Variants in PITPNC1 observed in about 807,000 individuals in gnomAD.
The protein encoded by PITPNC1 is cytoplasmic phosphatidylinositol transfer protein 1.
PITPNC1 carries 18 observed loss-of-function variants against 44.7 expected under a neutral mutation model. That is an observed-to-expected ratio of 0.40 (90% CI 0.28 to 0.60). PITPNC1 has a LOEUF of 0.60. Among genes scored for constraint, PITPNC1 ranks in the 20% least tolerant of loss-of-function variants. The pLI is 0.39. For missense variants in PITPNC1, 290 were observed against 418.4 expected (o/e 0.69, Z 2.68); for synonymous variants, 141 against 149.6 (o/e 0.94, Z 0.42).
chr17:67,615,070 AC>A (rs2041740586), intron 5 of PITPNC1, among the ~76,000 whole-genome samples: 1 of 152,138 alleles, frequency 6.6e-6, no homozygotes, highest in Admixed American at 6.5e-5. Flanking sequence ...AGCCTGTCTT[AC>A]CCGTGCCTGG....
At position 67,458,962 on chromosome 17, in the gene PITPNC1, G is replaced by A. The variant is rs150490256; in HGVS notation, c.49-73840G>A. ...GGTTTGGGATATCCATTTTTCAGGG[G>A]AGAGGTTTTTTTCACTTAGAACCCA... On this transcript the variant is annotated intron_variant, in intron 1 of 8. Transcript: ENST00000581322. 3.0e-3 allele frequency among the ~76,000 whole-genome samples: 461 copies of A among 152,160 alleles called. 3 individuals carry two copies. The highest frequency in any genetic ancestry group is 4.6e-3 in the Non-Finnish European group (312 of 68,010).
intron 6 of PITPNC1, among the ~76,000 whole-genome samples, chr17:67,658,214 A>C (rs759931655): frequency 3.3e-5 from 5 of 152,244 alleles, no homozygotes; most frequent in Admixed American, 2.0e-4. Flanking sequence ...TCCAAGCCAA[A>C]GACAGTTTAA....
chr17:67,544,640 T>C (rs2040653783), intron 2 of PITPNC1, among the ~76,000 whole-genome samples: 1 of 152,260 alleles, frequency 6.6e-6, no homozygotes, highest in African/African-American at 2.4e-5. Context: ...TCCACGGCAA[T>C]GTCTCCTGGC....
intron 1 of PITPNC1, among the ~76,000 whole-genome samples, chr17:67,393,618 C>T (rs2038171450): frequency 6.6e-6 from 1 of 152,050 alleles, no homozygotes; most frequent in African/African-American, 2.4e-5. Context: ...AAATACTTGG[C>T]AATTTTAATT....
At chr17:67,545,535 C>T (rs1258315211) in intron 2 of PITPNC1, among the ~76,000 whole-genome samples, 1 of 152,122 alleles carries the variant, frequency 6.6e-6, no homozygotes, top group Non-Finnish European at 1.5e-5. Context: ...GAGATTGCAT[C>T]ACTGCATTCC....
chr17:67,499,389 A>AT (rs1443707366), intron 1 of PITPNC1, among the ~76,000 whole-genome samples: 4 of 135,340 alleles, frequency 3.0e-5, no homozygotes, highest in African/African-American at 7.6e-5. Flanking sequence ...TAATTTTTTT[A>AT]TTTTTTTGTA....
intron 1 of PITPNC1, among the ~76,000 whole-genome samples, chr17:67,434,664 T>G (rs1255465633): frequency 7.0e-6 from 1 of 142,128 alleles, no homozygotes; most frequent in Non-Finnish European, 1.5e-5. Context: ...TACAAAAAAA[T>G]TTGCCAGGTG....
At chr17:67,419,468 C>T (rs1407188827) in intron 1 of PITPNC1, among the ~76,000 whole-genome samples, 1 of 152,172 alleles carries the variant, frequency 6.6e-6, no homozygotes, top group Non-Finnish European at 1.5e-5. Flanking sequence ...TTCAGTACCT[C>T]CTTTAATGTA....
At chr17:67,606,518 G>T (rs1414025178) in intron 5 of PITPNC1, among the ~76,000 whole-genome samples, 1 of 152,216 alleles carries the variant, frequency 6.6e-6, no homozygotes, top group Non-Finnish European at 1.5e-5. Flanking sequence ...GCAGATGCAG[G>T]CCTGAGACCC....
rs551969258 is a variant in PITPNC1, at chr17:67,597,301, C to A, written c.366+19044C>A. On this transcript the variant is annotated intron_variant, in intron 5 of 8. Transcript: ENST00000581322. The surrounding 1 kb of genome is among the most constrained non-coding windows in gnomAD (Gnocchi z 4.0). ...GAGCATGGTGGCTCACGCCTGTAAT[C>A]CCCGCACTTTGGGAGGCCAAAGTGG... 9.2e-5 allele frequency among the ~76,000 whole-genome samples: 14 copies of A among 152,274 alleles called. No individual in the cohort carries two copies. Among genetic ancestry groups the A allele is most frequent in the African/African-American group, 2.9e-4 (12 of 41,570 alleles).
intron 8 of PITPNC1, chr17:67,687,305 C>G (rs1781869407): frequency 3.2e-6 from 2 of 624,894 alleles, no homozygotes; most frequent in Admixed American, 2.8e-5. Flanking sequence ...TCACCCAGAC[C>G]CTGTTGCTGC....
chr17:67,615,240 G>A (rs1289484404), intron 5 of PITPNC1, among the ~76,000 whole-genome samples: 2 of 152,202 alleles, frequency 1.3e-5, no homozygotes, highest in South Asian at 2.1e-4. Context: ...AACAAGTAAC[G>A]ATTTGTTCCT....
At chr17:67,563,860 G>A (rs950064251) in intron 4 of PITPNC1, among the ~76,000 whole-genome samples, 2 of 152,140 alleles carry the variant, frequency 1.3e-5, no homozygotes, top group South Asian at 4.1e-4. Flanking sequence ...AACCAATGGT[G>A]GGGGAGATGT....
At chr17:67,686,976 C>CT (rs2042827427) in intron 8 of PITPNC1, 3 of 751,002 alleles carry the variant, frequency 4.0e-6, no homozygotes, top group Admixed American at 4.0e-5. Flanking sequence ...ACCTCCTTGG[C>CT]TACTGCTCAG....
chr17:67,633,367 C>T (rs965801609), intron 6 of PITPNC1, among the ~76,000 whole-genome samples: 7 of 152,342 alleles, frequency 4.6e-5, no homozygotes, highest in South Asian at 2.1e-4. Context: ...AGGCTCCCGA[C>T]GTGGTTCAGA....
At chr17:67,596,394 TAA>T (rs959772539) in intron 5 of PITPNC1, among the ~76,000 whole-genome samples, 3 of 151,518 alleles carry the variant, frequency 2.0e-5, no homozygotes, top group Non-Finnish European at 4.4e-5. Context: ...AGTATTGCTT[TAA>T]AAAAAAAGTG....
intron 1 of PITPNC1, among the ~76,000 whole-genome samples, chr17:67,402,164 C>T (rs1312217517): frequency 1.3e-5 from 2 of 152,198 alleles, no homozygotes; most frequent in African/African-American, 2.4e-5. Flanking sequence ...AATGAATAGG[C>T]GTGGCTGTGT....
In PITPNC1 at chr17:67,508,531, G is replaced by A. The variant is rs1341715403; in HGVS notation, c.49-24271G>A. 1.3e-5 allele frequency among the ~76,000 whole-genome samples: 2 copies of A among 152,132 alleles called. No individual in the cohort carries two copies. The highest frequency in any genetic ancestry group is 2.4e-5 in the African/African-American group (1 of 41,428). The stretch of plus-strand genomic sequence containing the variant: ...TACCTGGGTTCTCTACTGCAAACCT[G>A]TTTTTTTATGACCTGTATCTCACGC... On this transcript the variant is annotated intron_variant, in intron 1 of 8. Transcript: ENST00000581322. The surrounding 1 kb of genome is among the most constrained non-coding windows in gnomAD (Gnocchi z 4.2).
intron 1 of PITPNC1, among the ~76,000 whole-genome samples, chr17:67,439,957 C>A (rs1416642341): frequency 6.6e-6 from 1 of 152,024 alleles, no homozygotes; most frequent in Non-Finnish European, 1.5e-5. Flanking sequence ...ACCTTCTTTC[C>A]CAGTAGGCAG....
Sources: gnomAD v4.1 joint callset for allele counts (sites outside exome capture counted in the v4.1 genomes callset) on GRCh38, gnomAD v4.1.1 for gene constraint, Gnocchi (gnomAD v3.1) non-coding constraint, MANE v1.5 for transcripts, NCBI Gene and HGNC (gene_info 2026-07-23, HGNC 2026-07-21) for gene names.